THSD7B: variants seen among roughly 807,000 people sequenced by gnomAD.
THSD7B encodes the protein thrombospondin type-1 domain-containing protein 7B.
THSD7B carries 138 observed loss-of-function variants against 213.6 expected under a neutral mutation model. The ratio of observed to expected loss-of-function variants is 0.65; its 90% CI spans 0.56 to 0.74. The LOEUF (loss-of-function observed/expected upper bound fraction) is 0.74, where lower values mean the gene tolerates loss of function less well. Ranked by LOEUF, THSD7B falls within the 30% of genes least tolerant of loss-of-function variation. The probability of loss-of-function intolerance (pLI) is 0.00; values close to 1 mark genes in which losing one functional copy is unlikely to be tolerated. For synonymous variants in THSD7B, 742 were observed against 687.0 expected, an observed-to-expected ratio of 1.08 and a Z score of -1.25; for missense variants, 1,931 against 1,991.5, an observed-to-expected ratio of 0.97 and a Z score of 0.58.
At chr2:137,006,700 T>C (rs1686120856) in intron 2 of THSD7B, among the ~76,000 whole-genome samples, 1 of 152,176 alleles carries the variant, frequency 6.6e-6, no homozygotes, top group Non-Finnish European at 1.5e-5. Context: ...CTGCAACAAA[T>C]TTGAATTAAT....
intron 15 of THSD7B, among the ~76,000 whole-genome samples, chr2:137,469,543 G>A (rs918942614): frequency 3.3e-5 from 5 of 152,156 alleles, no homozygotes; most frequent in African/African-American, 1.2e-4. Flanking sequence ...AATAAGTATT[G>A]CTGTGCTTAA....
chr2:136,940,481 AT>A (rs35483919), intron 2 of THSD7B, among the ~76,000 whole-genome samples: 11,172 of 150,880 alleles, frequency 0.074, 670 homozygotes, highest in African/African-American at 0.16. Context: ...AAGTTTGATA[AT>A]TTTTTTTTCC....
intron 1 of THSD7B, among the ~76,000 whole-genome samples, chr2:136,812,565 G>A (rs948107350): frequency 1.3e-5 from 2 of 152,170 alleles, no homozygotes; most frequent in African/African-American, 4.8e-5. Context: ...GTCTGTGTGT[G>A]CCATCACCAT....
chr2:136,855,245 G>GTA (rs1052265625), intron 1 of THSD7B, among the ~76,000 whole-genome samples: 156 of 151,606 alleles, frequency 1.0e-3, no homozygotes, highest in South Asian at 7.7e-3. Context: ...AAATTTGAGT[G>GTA]TATATATATA....
intron 7 of THSD7B, among the ~76,000 whole-genome samples, chr2:137,173,367 T>C (rs770426947): frequency 2.0e-5 from 3 of 152,200 alleles, no homozygotes; most frequent in Non-Finnish European, 2.9e-5. Context: ...TAAATGACTC[T>C]CATGCTTTGT....
chr2:137,589,971 G>C (rs1681829001), intron 17 of THSD7B, among the ~76,000 whole-genome samples: 2 of 152,244 alleles, frequency 1.3e-5, no homozygotes, highest in South Asian at 4.1e-4. Flanking sequence ...TAAGCTGCCA[G>C]TTGTGTTTAA....
intron 3 of THSD7B, among the ~76,000 whole-genome samples, chr2:137,079,688 A>G (rs548786441): frequency 6.6e-6 from 1 of 152,308 alleles, no homozygotes; most frequent in East Asian, 1.9e-4. Flanking sequence ...ATTTCTCTTA[A>G]TAAATGAATT....
intron 15 of THSD7B, among the ~76,000 whole-genome samples, chr2:137,489,258 C>T (rs1407328515): frequency 6.6e-6 from 1 of 151,812 alleles, no homozygotes; most frequent in Non-Finnish European, 1.5e-5. Context: ...AACCCCATCT[C>T]TACTAAAATA....
chr2:137,607,079 G>A (rs1682196303), intron 17 of THSD7B, among the ~76,000 whole-genome samples: 1 of 151,610 alleles, frequency 6.6e-6, no homozygotes, highest in South Asian at 2.1e-4. Flanking sequence ...GGACTGACAA[G>A]ACCAGGGGCA....
chr2:136,877,470 A>G (rs1239604425), intron 1 of THSD7B, among the ~76,000 whole-genome samples: 1 of 152,190 alleles, frequency 6.6e-6, no homozygotes, highest in East Asian at 1.9e-4. Context: ...GAGCTTTACC[A>G]TCTTTCAGCT....
intron 1 of THSD7B, among the ~76,000 whole-genome samples, chr2:136,880,832 G>A (rs917714213): frequency 1.4e-4 from 22 of 152,076 alleles, no homozygotes; most frequent in African/African-American, 5.1e-4. Flanking sequence ...TTGTCTACTA[G>A]TAATCCATTA....
chr2:136,803,556 G>A (rs1682227971), intron 1 of THSD7B, among the ~76,000 whole-genome samples: 1 of 152,224 alleles, frequency 6.6e-6, no homozygotes, highest in African/African-American at 2.4e-5. Context: ...CAGTTTAATA[G>A]AGAATTTTTA....
At chr2:137,323,781 A>G (rs1684312144) in intron 12 of THSD7B, among the ~76,000 whole-genome samples, 1 of 152,216 alleles carries the variant, frequency 6.6e-6, no homozygotes, top group South Asian at 2.1e-4. Context: ...AAAGATATTA[A>G]TTCCATAAAT....
chr2:136,929,015 T>C (rs1375789396), intron 2 of THSD7B, among the ~76,000 whole-genome samples: 1 of 152,206 alleles, frequency 6.6e-6, no homozygotes, highest in Non-Finnish European at 1.5e-5. Flanking sequence ...ATCTTCTCAC[T>C]TTAATTTGTA....
chr2:136,827,844 A>G (rs530950691), intron 1 of THSD7B, among the ~76,000 whole-genome samples: 23 of 152,264 alleles, frequency 1.5e-4, no homozygotes, highest in Non-Finnish European at 2.8e-4. Context: ...AAGAAGCAAC[A>G]TATTTTGTGC....
intron 2 of THSD7B, among the ~76,000 whole-genome samples, chr2:137,034,194 A>G (rs1204428178): frequency 6.6e-6 from 1 of 152,096 alleles, no homozygotes. Context: ...AAGCCAGCCT[A>G]TCATTGATGG....
intron 17 of THSD7B, among the ~76,000 whole-genome samples, chr2:137,599,022 A>C (rs1682023505): frequency 7.6e-6 from 1 of 131,832 alleles, no homozygotes; most frequent in Admixed American, 7.5e-5. Flanking sequence ...TCCCAATGCT[A>C]TCCCTCCCCC....
intron 15 of THSD7B, among the ~76,000 whole-genome samples, chr2:137,554,903 G>A (rs1680924147): frequency 6.6e-6 from 1 of 152,118 alleles, no homozygotes; most frequent in Non-Finnish European, 1.5e-5. Context: ...ATTATGTCCC[G>A]ACCCAGGCTC....
At chr2:136,880,766 T>A (rs542162058) in intron 1 of THSD7B, among the ~76,000 whole-genome samples, 2 of 152,170 alleles carry the variant, frequency 1.3e-5, no homozygotes, top group Non-Finnish European at 2.9e-5. Flanking sequence ...CATTCACCAG[T>A]ACTTGCCTGG....
Sources: gnomAD v4.1 joint callset for allele counts (sites outside exome capture counted in the v4.1 genomes callset) on GRCh38, gnomAD v4.1.1 for gene constraint, MANE v1.5 for transcripts, NCBI Gene and HGNC (gene_info 2026-07-23, HGNC 2026-07-21) for gene names.